Variants in NEIL1 observed in about 807,000 individuals in gnomAD.
NEIL1 encodes nei like DNA glycosylase 1.
A neutral mutation model predicts 44.2 loss-of-function variants in NEIL1; 31 were observed. That is an observed-to-expected ratio of 0.70 (90% CI 0.53 to 0.95). The LOEUF is 0.95. Ranked by LOEUF, NEIL1 falls within the 40% of genes least tolerant of loss-of-function variation. The pLI, the probability that NEIL1 is intolerant of heterozygous loss-of-function variation, is 0.00. For missense variants in NEIL1, 549 were observed against 515.5 expected (o/e 1.07, Z -0.63); for synonymous variants, 254 against 209.7 (o/e 1.21, Z -1.83).
rs751757874 is a variant in NEIL1, at chr15:75,354,458, AG to A, written c.904del (p.Ala302ProfsTer4). On this transcript the variant is annotated frameshift_variant, in exon 8 of 10. Transcript: ENST00000355059. LOFTEE classifies it high-confidence loss of function. Reference sequence around the variant, plus strand: ...CGCAAGTCCCGCAAAAAGAAATCCAAGGCCACACAGCTGAGTCCTGAGGACA... The same window carrying A: ...CGCAAGTCCCGCAAAAAGAAATCCAAGCCACACAGCTGAGTCCTGAGGACA... ...KGRKSRKKKS[K>X]ATQLSPEDRV... 8 of 1,614,174 alleles carry A rather than the reference AG, an allele frequency of 5.0e-6. No homozygotes were observed. The South Asian group carries it at 8.8e-5, about 18-fold the overall frequency.
intron 1 of NEIL1, chr15:75,348,341 G>T: frequency 2.0e-6 from 2 of 986,602 alleles, no homozygotes; most frequent in Non-Finnish European, 2.4e-6. Flanking sequence ...GGTGGTGAGC[G>T]GCCAGATCCA....
intron 2 of NEIL1, among the ~76,000 whole-genome samples, chr15:75,350,053 A>G (rs1471305152): frequency 6.6e-6 from 1 of 152,200 alleles, no homozygotes; most frequent in Non-Finnish European, 1.5e-5. Context: ...ATCTCATGAC[A>G]TGGCTTCCGC....
In NEIL1 at chr15:75,354,783, A is replaced by AG; in HGVS notation, c.1068dup (p.Lys357GlufsTer22). The AG allele has an allele frequency of 6.2e-7, 1 of 1,614,112 alleles. No homozygotes were observed. The highest frequency in any genetic ancestry group is 1.3e-5 in the African/African-American group (1 of 75,046). ...GACCCAGAAGCTCCCACAGTGCCCAAGAAGGGGAGGAGGAAGGGGCGACAG... is the reference window on the plus strand; with the variant it reads ...GACCCAGAAGCTCCCACAGTGCCCAAGGAAGGGGAGGAGGAAGGGGCGACAG... On this transcript the variant is annotated frameshift_variant, in exon 9 of 10. Transcript: ENST00000355059. LOFTEE classifies it low-confidence loss of function (END_TRUNC).
intron 2 of NEIL1, chr15:75,349,599 A>G: frequency 2.0e-6 from 1 of 497,592 alleles, no homozygotes; most frequent in Non-Finnish European, 3.6e-6. Flanking sequence ...GCAGATCACG[A>G]GGTCAGGAGT....
At chr15:75,347,855 C>G in intron 1 of NEIL1, 3 of 1,191,260 alleles carry the variant, frequency 2.5e-6, no homozygotes, top group Non-Finnish European at 3.2e-6. Context: ...CTCACGTTCT[C>G]CCGCAAAACG....
chr15:75,351,360 TAACCTCCAGGGCTCAGGTGA>T, intron 2 of NEIL1: 1 of 425,308 alleles, frequency 2.4e-6, no homozygotes, highest in Admixed American at 2.8e-5. Context: ...ATTGCAGCCT[TAACCTCCAGGGCTCAGGTGA>T]TTCTCTCACC....
At chr15:75,350,182 G>T (rs1567235473) in intron 2 of NEIL1, among the ~76,000 whole-genome samples, 1 of 152,228 alleles carries the variant, frequency 6.6e-6, no homozygotes, top group African/African-American at 2.4e-5. Context: ...TGTGATGCAG[G>T]TCACCTCACA....
chr15:75,353,853 C>A lies in NEIL1; in HGVS notation c.833C>A (p.Thr278Asn). The A allele has an allele frequency of 6.2e-7, 1 of 1,612,822 alleles. No homozygotes were observed. ...TCCCTGCAGGACCGGCATGGCCGTACCATCTGGTTCCAGGTTGGGCCCTAC... is the reference window on the plus strand; with the variant it reads ...TCCCTGCAGGACCGGCATGGCCGTAACATCTGGTTCCAGGTTGGGCCCTAC... ...MSSLQDRHGR[T>N]IWFQGDPGPL... The change falls in exon 6 of 10, where the codon ACC becomes AAC. Residue 278 changes from threonine to asparagine, a missense_variant. Transcript: ENST00000355059.
intron 2 of NEIL1, among the ~76,000 whole-genome samples, chr15:75,350,536 A>C (rs1401014691): frequency 2.0e-5 from 3 of 152,160 alleles, no homozygotes; most frequent in Non-Finnish European, 2.9e-5. Context: ...AGAGGCCTGG[A>C]GTAGGGTTGG....
chr15:75,354,375 G>C (rs557727192), intron 7 of NEIL1, 56 bp from the exon 8 acceptor site: 121 of 1,612,564 alleles, frequency 7.5e-5, no homozygotes, highest in Middle Eastern at 1.7e-4. Flanking sequence ...CTGCAACCCT[G>C]GGAGTCACCC....
chr15:75,347,311 C>G lies in NEIL1; in HGVS notation c.-185C>G, dbSNP rs1159018078. ...AGCTGCAGGCGACTCCGCTCTGGCT[C>G]GTCGCTGCTGTTTCCTGCTGGGGGT... is the stretch of plus-strand genomic sequence containing the variant. On this transcript the variant is annotated 5_prime_UTR_variant, in exon 1 of 10. Transcript: ENST00000355059. 1 of 152,430 alleles carries G rather than the reference C, an allele frequency of 6.6e-6. No homozygotes were observed. The highest frequency in any genetic ancestry group is 1.5e-5 in the Non-Finnish European group (1 of 68,082). 9.4% of individuals were successfully genotyped at this position (152,430 alleles called of 1,614,324 possible).
Position 75,352,906 on chromosome 15 carries a change from G to C in NEIL1, c.718+205G>C, listed in dbSNP as rs576923403. 5.7e-6 allele frequency: 3 copies of C among 523,434 alleles called. No homozygotes were observed. The African/African-American group carries it at 5.8e-5, about 10-fold the overall frequency. 32.4% of individuals were successfully genotyped at this position (523,434 alleles called of 1,614,324 possible). On this transcript the variant is annotated intron_variant, in intron 5 of 9. Transcript: ENST00000355059. Reference sequence around the variant, plus strand: ...TGTAATCCCAGCACTTCGGGAGGCCGAGTGGGGTGGCTCACCTGAGGTCAG... The same window carrying C: ...TGTAATCCCAGCACTTCGGGAGGCCCAGTGGGGTGGCTCACCTGAGGTCAG...
chr15:75,355,375 A>C lies in NEIL1; in HGVS notation c.*341A>C. 3.5e-6 allele frequency: 1 copy of C among 285,254 alleles called. No individual in the cohort carries two copies. The highest frequency in any genetic ancestry group is 6.7e-6 in the Non-Finnish European group (1 of 149,372). The allele number at this position is 285,254 out of a possible 1,614,324, so 17.7% of individuals were successfully genotyped here. On this transcript the variant is annotated 3_prime_UTR_variant, in exon 10 of 10. Transcript: ENST00000355059. ...TCCCAGTCCTCAAGGCTCTGACTCTATCAGAGGACAGTTTGCCTCTGCAAG... is the reference window on the plus strand; with the variant it reads ...TCCCAGTCCTCAAGGCTCTGACTCTCTCAGAGGACAGTTTGCCTCTGCAAG...
In NEIL1 at chr15:75,348,899, C is replaced by T; in HGVS notation, c.-7C>T. On this transcript the variant is annotated 5_prime_UTR_variant, in exon 2 of 10. Transcript: ENST00000355059. ...TCCCCAACAGGACTCTGCCACCCTC[C>T]CTCAGGATGCCTGAGGGCCCCGAGC... 1 of 1,609,712 alleles carries T rather than the reference C, an allele frequency of 6.2e-7. No homozygotes were observed. The highest frequency in any genetic ancestry group is 8.5e-7 in the Non-Finnish European group (1 of 1,179,320).
chr15:75,349,569 A>G, intron 2 of NEIL1: 1 of 551,172 alleles, frequency 1.8e-6, no homozygotes, highest in Non-Finnish European at 3.2e-6. Context: ...AAATCCCAGC[A>G]CTTTGGGAAG....
rs2072254859 is a variant in NEIL1 at position 75,355,164 on chromosome 15, C to T, written c.*130C>T. On this transcript the variant is annotated 3_prime_UTR_variant, in exon 10 of 10. Transcript: ENST00000355059. ...CTACGGCTGTTCCCTGCACAACTCT[C>T]ATGGTTTTAATTGTACCCCATCTTC... 3.3e-5 allele frequency: 23 copies of T among 705,536 alleles called. No individual in the cohort carries two copies. In the South Asian group the frequency reaches 4.1e-4, roughly 13 times the overall value. 43.7% of individuals were successfully genotyped at this position (705,536 alleles called of 1,614,324 possible).
chr15:75,349,799 GCACGACTC>G (rs961253899), intron 2 of NEIL1: 2 of 168,498 alleles, frequency 1.2e-5, no homozygotes, highest in African/African-American at 4.8e-5. Context: ...GGGCAACAGA[GCACGACTC>G]TGTCTCAAAA....
chr15:75,353,635 C>A, intron 5 of NEIL1, 104 bp from the exon 6 acceptor site: 1 of 1,216,916 alleles, frequency 8.2e-7, no homozygotes, highest in Non-Finnish European at 1.2e-6. Context: ...CTGACTCAGT[C>A]CATCAGCTTG....
intron 1 of NEIL1, 108 bp from the exon 2 acceptor site, chr15:75,348,776 G>A (rs1261318777): frequency 1.3e-5 from 19 of 1,479,536 alleles, no homozygotes; most frequent in Admixed American, 2.3e-5. Context: ...AGCCGCAGCT[G>A]GCCACATGCC....
Sources: allele counts gnomAD v4.1 joint callset (sites outside exome capture counted in the v4.1 genomes callset), GRCh38; gene constraint gnomAD v4.1.1; transcripts MANE v1.5; gene names NCBI Gene and HGNC (gene_info 2026-07-23, HGNC 2026-07-21).